The following PCSK6 variants were observed in gnomAD, a reference collection of about 807,000 sequenced individuals.
PCSK6 encodes the protein proprotein convertase subtilisin/kexin type 6.
PCSK6 carries 85 observed loss-of-function variants against 123.3 expected under a neutral mutation model. That is an observed-to-expected ratio of 0.69 (90% CI 0.58 to 0.83). The LOEUF is 0.83. Among genes scored for constraint, PCSK6 ranks in the 40% least tolerant of loss-of-function variants. The probability of loss-of-function intolerance (pLI) is 0.00; values close to 1 mark genes in which losing one functional copy is unlikely to be tolerated. For synonymous variants in PCSK6, 508 were observed against 516.0 expected, an observed-to-expected ratio of 0.98 and a Z score of 0.21; for missense variants, 1,191 against 1,282.3, an observed-to-expected ratio of 0.93 and a Z score of 1.09.
chr15:101,401,628 T>C (rs115913936), intron 6 of PCSK6, among the ~76,000 whole-genome samples: 3,166 of 152,258 alleles, frequency 0.021, 97 homozygotes, highest in African/African-American at 0.07. Context: ...AGTTCTCCCG[T>C]CTCGCTGAGC....
At chr15:101,447,224 C>G (rs2056915564) in intron 1 of PCSK6, among the ~76,000 whole-genome samples, 1 of 152,142 alleles carries the variant, frequency 6.6e-6, no homozygotes, top group African/African-American at 2.4e-5. Flanking sequence ...TCCTTCACAT[C>G]TCTGGGTGCC....
chr15:101,366,460 G>A (rs1249621600), intron 12 of PCSK6, 128 bp from the exon 13 acceptor site: 1 of 923,474 alleles, frequency 1.1e-6, no homozygotes, highest in Non-Finnish European at 1.6e-6. Context: ...GGGTAGCGGG[G>A]GTCTGGCCCC....
At chr15:101,437,313 C>T (rs2056629034) in intron 2 of PCSK6, among the ~76,000 whole-genome samples, 1 of 152,208 alleles carries the variant, frequency 6.6e-6, no homozygotes, top group Non-Finnish European at 1.5e-5. Flanking sequence ...ATGCCCAGGC[C>T]CACCTCCGGC....
At chr15:101,332,131 G>GCCAGA in intron 13 of PCSK6, 100 bp from the exon 14 acceptor site, 2 of 1,111,090 alleles carry the variant, frequency 1.8e-6, no homozygotes, top group Non-Finnish European at 1.3e-6. Context: ...CTGATAGCTG[G>GCCAGA]GCTCTGGCCT....
In PCSK6 at chr15:101,318,326, G is replaced by A; in HGVS notation, c.2562C>T (p.Thr854=). 6.4e-7 allele frequency: 1 copy of A among 1,556,314 alleles called. No homozygotes were observed. The part of the protein sequence containing the change: ...RCGECHHTCG[T]CVGPGREECI... ...CGCAGGCGGTGAACTCACCCACGCA[G>A]GTTCCGCAGGTGTGATGGCATTCCC... Residue 854 remains threonine (T), a synonymous_variant, in exon 19 of 22, where the codon ACC becomes ACT. Transcript: ENST00000611716.
At chr15:101,353,472 C>T (rs1268125244) in intron 13 of PCSK6, among the ~76,000 whole-genome samples, 2 of 152,124 alleles carry the variant, frequency 1.3e-5, no homozygotes, top group Non-Finnish European at 2.9e-5. Flanking sequence ...GATGGGGACC[C>T]CTGCTCTTGT....
intron 13 of PCSK6, among the ~76,000 whole-genome samples, chr15:101,343,754 G>A (rs1409251409): frequency 4.6e-5 from 7 of 152,252 alleles, no homozygotes; most frequent in South Asian, 2.1e-4. Context: ...CAAATGGCTC[G>A]ACATGTGGCC....
intron 6 of PCSK6, among the ~76,000 whole-genome samples, chr15:101,417,301 T>A (rs2055922154): frequency 6.6e-6 from 1 of 152,232 alleles, no homozygotes; most frequent in South Asian, 2.1e-4. Flanking sequence ...TTGTTCCCAG[T>A]CTTGGGTATG....
chr15:101,421,843 G>C (rs1026149525), intron 6 of PCSK6, among the ~76,000 whole-genome samples: 3 of 152,120 alleles, frequency 2.0e-5, no homozygotes, highest in African/African-American at 7.2e-5. Context: ...CTCAGCAATA[G>C]ATAACTAATA....
intron 1 of PCSK6, among the ~76,000 whole-genome samples, chr15:101,477,454 T>C (rs1023899497): frequency 3.9e-5 from 6 of 152,210 alleles, no homozygotes; most frequent in Non-Finnish European, 8.8e-5. Flanking sequence ...AAACATTTCT[T>C]TTCCCAAGCA....
intron 6 of PCSK6, among the ~76,000 whole-genome samples, chr15:101,410,746 C>T (rs1373972539): frequency 6.6e-6 from 1 of 152,202 alleles, no homozygotes; most frequent in Non-Finnish European, 1.5e-5. Context: ...AAGGTGGAAT[C>T]CAGGCTTCAG....
At chr15:101,351,050 G>A (rs183200282) in intron 13 of PCSK6, among the ~76,000 whole-genome samples, 1 of 152,172 alleles carries the variant, frequency 6.6e-6, no homozygotes, top group Non-Finnish European at 1.5e-5. Flanking sequence ...GTCATTATCT[G>A]TGCTTCAGGG....
chr15:101,354,763 A>T (rs183799145), intron 13 of PCSK6, among the ~76,000 whole-genome samples: 1 of 152,178 alleles, frequency 6.6e-6, no homozygotes. Context: ...CCTTTTCTCA[A>T]TCTGGTTTCG....
chr15:101,325,647 AG>A (rs1295330892), intron 16 of PCSK6, among the ~76,000 whole-genome samples: 2 of 152,200 alleles, frequency 1.3e-5, no homozygotes, highest in Non-Finnish European at 2.9e-5. Flanking sequence ...ATGGGTGCTC[AG>A]GGAAGTTTGT....
chr15:101,420,190 CAAAA>C (rs369741613), intron 6 of PCSK6, among the ~76,000 whole-genome samples: 1 of 84,454 alleles, frequency 1.2e-5, no homozygotes, highest in Non-Finnish European at 2.5e-5. Context: ...GATTCTGTCT[CAAAA>C]AAAAAAAAAA....
intron 3 of PCSK6, among the ~76,000 whole-genome samples, chr15:101,431,757 C>G (rs184506744): frequency 1.6e-4 from 25 of 152,352 alleles, no homozygotes; most frequent in African/African-American, 5.8e-4. Context: ...TGCATCAAAT[C>G]ACTTCCCTTC....
At chr15:101,420,012 C>T (rs2056027464) in intron 6 of PCSK6, among the ~76,000 whole-genome samples, 1 of 151,826 alleles carries the variant, frequency 6.6e-6, no homozygotes, top group Non-Finnish European at 1.5e-5. Flanking sequence ...CATAGTGAAA[C>T]ACCGTCTTTA....
chr15:101,429,137 T>A (rs1271364988), intron 5 of PCSK6, among the ~76,000 whole-genome samples: 4 of 152,222 alleles, frequency 2.6e-5, no homozygotes, highest in Non-Finnish European at 4.4e-5. Flanking sequence ...AGCAAGAGTC[T>A]TGTCAACAGT....
intron 11 of PCSK6, among the ~76,000 whole-genome samples, chr15:101,378,739 G>T (rs2041823483): frequency 6.6e-6 from 1 of 152,200 alleles, no homozygotes; most frequent in African/African-American, 2.4e-5. Context: ...TCTTTCGGGT[G>T]GATCCATACA....
Sources: allele counts gnomAD v4.1 joint callset (sites outside exome capture counted in the v4.1 genomes callset), GRCh38; gene constraint gnomAD v4.1.1; transcripts MANE v1.5; gene names NCBI Gene and HGNC (gene_info 2026-07-23, HGNC 2026-07-21).